INPP4B: variants seen among roughly 807,000 people sequenced by gnomAD.
INPP4B encodes inositol polyphosphate 4-phosphatase type II.
Under a neutral mutation model 122.5 loss-of-function variants are expected in INPP4B, and 55 were observed. That is an observed-to-expected ratio of 0.45 (90% CI 0.36 to 0.56). The LOEUF is 0.56. Among genes scored for constraint, INPP4B ranks in the 20% least tolerant of loss-of-function variants. The pLI, the probability that INPP4B is intolerant of heterozygous loss-of-function variation, is 0.00. For synonymous variants in INPP4B, 403 were observed against 388.7 expected, an observed-to-expected ratio of 1.04 and a Z score of -0.43; for missense variants, 1,000 against 1,097.7, an observed-to-expected ratio of 0.91 and a Z score of 1.26.
rs538503177 is a variant in INPP4B, at chr4:142,086,971, GGAGAA to G, written c.2375-720_2375-716del. Among the ~76,000 whole-genome samples the G allele has an allele frequency of 3.0e-3, 461 of 152,248 alleles. 1 individual carries two copies. The highest frequency in any genetic ancestry group is 9.1e-3 in the South Asian group (44 of 4,812). On this transcript the variant is annotated intron_variant, in intron 23 of 25. Coordinates refer to ENST00000262992, the MANE Select transcript of INPP4B (RefSeq NM_001101669.3). Reference sequence around the variant, plus strand: ...TATTAAATTGAACAACTCAGGGTTGGGAGAAATCTGAAAGTTCAAATAAGACACAT... The same window carrying G: ...TATTAAATTGAACAACTCAGGGTTGGATCTGAAAGTTCAAATAAGACACAT...
At chr4:142,410,303 G>A (rs1804331212) in intron 5 of INPP4B, among the ~76,000 whole-genome samples, 1 of 152,202 alleles carries the variant, frequency 6.6e-6, no homozygotes, top group Non-Finnish European at 1.5e-5. Flanking sequence ...GAACCACTGA[G>A]GCACTGTGAA....
chr4:142,296,275 G>A (rs989297986), intron 9 of INPP4B, among the ~76,000 whole-genome samples: 1 of 150,660 alleles, frequency 6.6e-6, no homozygotes, highest in South Asian at 2.1e-4. Flanking sequence ...TTATTTAAAT[G>A]GATTAGGAAC....
chr4:142,824,984 T>C (rs1259207393), intron 1 of INPP4B, among the ~76,000 whole-genome samples: 2 of 152,078 alleles, frequency 1.3e-5, no homozygotes, highest in South Asian at 2.1e-4. Context: ...CTAGGAAATA[T>C]ACTGGAGGAG....
chr4:142,339,551 C>T (rs539945062), intron 7 of INPP4B, among the ~76,000 whole-genome samples: 6 of 152,238 alleles, frequency 3.9e-5, no homozygotes, highest in African/African-American at 1.4e-4. Context: ...TTGTAGACCC[C>T]AATCATTGTC....
intron 2 of INPP4B, among the ~76,000 whole-genome samples, chr4:142,596,061 G>A (rs967025270): frequency 2.6e-4 from 39 of 151,846 alleles, no homozygotes; most frequent in African/African-American, 9.2e-4. Flanking sequence ...ATTGCCCCAG[G>A]CTGGTCTCAA....
chr4:142,756,249 C>A (rs990986298), intron 1 of INPP4B, among the ~76,000 whole-genome samples: 5 of 151,908 alleles, frequency 3.3e-5, no homozygotes, highest in Non-Finnish European at 5.9e-5. Flanking sequence ...GGAAGTTAGC[C>A]TGAAAGGAAT....
intron 2 of INPP4B, among the ~76,000 whole-genome samples, chr4:142,657,386 G>A (rs2150569645): frequency 6.6e-6 from 1 of 152,280 alleles, no homozygotes; most frequent in African/African-American, 2.4e-5. Flanking sequence ...TTCACAACTG[G>A]TAAGGTGTGG....
intron 2 of INPP4B, among the ~76,000 whole-genome samples, chr4:142,604,536 G>A (rs549160553): frequency 6.6e-6 from 1 of 152,168 alleles, no homozygotes; most frequent in East Asian, 1.9e-4. Flanking sequence ...GTTGCAGGAT[G>A]TAAAATCAAT....
intron 23 of INPP4B, among the ~76,000 whole-genome samples, chr4:142,100,789 C>G (rs1388445558): frequency 6.6e-6 from 1 of 152,052 alleles, no homozygotes; most frequent in Non-Finnish European, 1.5e-5. Flanking sequence ...CAAAGTTTAA[C>G]AGTGCTTTTT....
intron 2 of INPP4B, among the ~76,000 whole-genome samples, chr4:142,561,825 C>A (rs1268712609): frequency 6.6e-6 from 1 of 152,118 alleles, no homozygotes; most frequent in East Asian, 1.9e-4. Context: ...TGGTGCTCAT[C>A]TTCTTTTAAG....
chr4:142,192,293 A>G (rs1836244835), intron 15 of INPP4B, among the ~76,000 whole-genome samples: 1 of 146,502 alleles, frequency 6.8e-6, no homozygotes, highest in East Asian at 2.0e-4. Flanking sequence ...AAAAAAAAAG[A>G]AAGAAAAAAA....
intron 2 of INPP4B, among the ~76,000 whole-genome samples, chr4:142,697,785 G>A (rs1761214532): frequency 6.6e-6 from 1 of 152,084 alleles, no homozygotes; most frequent in Admixed American, 6.6e-5. Flanking sequence ...CATGAGGCAT[G>A]GGTAAAAGTT....
At chr4:142,043,067 G>A (rs1749140140) in intron 25 of INPP4B, among the ~76,000 whole-genome samples, 2 of 152,092 alleles carry the variant, frequency 1.3e-5, no homozygotes, top group Non-Finnish European at 2.9e-5. Context: ...TGAAGTTTTT[G>A]TCCTTGGAAG....
Position 142,408,671 on chromosome 4 carries a change from A to G in INPP4B, c.137-3347T>C, listed in dbSNP as rs528037321. On this transcript the variant is annotated intron_variant, in intron 5 of 25. Transcript: ENST00000262992. ...TGGCCTTCATCAGCTCAGAAGACTA[A>G]AAGAAAGCAATGCTTTGGGATTTTG... Among the ~76,000 whole-genome samples the G allele has an allele frequency of 3.7e-4, 56 of 152,320 alleles. 2 individuals carry two copies. In the South Asian group the frequency reaches 0.011, roughly 30 times the overall value.
intron 9 of INPP4B, among the ~76,000 whole-genome samples, chr4:142,295,310 T>C (rs1758201104): frequency 1.3e-5 from 2 of 152,166 alleles, no homozygotes; most frequent in African/African-American, 2.4e-5. Context: ...GGCATGAGTA[T>C]AAGATGCCAC....
intron 11 of INPP4B, among the ~76,000 whole-genome samples, chr4:142,253,273 G>C (rs1369480487): frequency 1.3e-5 from 2 of 152,202 alleles, no homozygotes; most frequent in African/African-American, 4.8e-5. Context: ...TACTACCGTA[G>C]ACTTGGTAAA....
At chr4:142,757,423 ATT>A (rs1770664286) in intron 1 of INPP4B, among the ~76,000 whole-genome samples, 1 of 152,078 alleles carries the variant, frequency 6.6e-6, no homozygotes, top group African/African-American at 2.4e-5. Flanking sequence ...AAAAATCCTG[ATT>A]CTTTGCCTAT....
intron 7 of INPP4B, among the ~76,000 whole-genome samples, chr4:142,348,362 T>C (rs1022833627): frequency 2.0e-5 from 3 of 152,034 alleles, no homozygotes; most frequent in Non-Finnish European, 2.9e-5. Context: ...ACTTTACTAT[T>C]TGGTCTTGTT....
chr4:142,398,487 A>T (rs2149099816), intron 7 of INPP4B, among the ~76,000 whole-genome samples: 1 of 139,502 alleles, frequency 7.2e-6, no homozygotes, highest in African/African-American at 2.7e-5. Flanking sequence ...CTTGTAAACA[A>T]TCTCAATTTA....
Sources: gnomAD v4.1 joint callset for allele counts (sites outside exome capture counted in the v4.1 genomes callset) on GRCh38, gnomAD v4.1.1 for gene constraint, MANE v1.5 for transcripts, NCBI Gene and HGNC (gene_info 2026-07-23, HGNC 2026-07-21) for gene names.